Variants in RAB2A observed in about 807,000 individuals in gnomAD.
The protein encoded by RAB2A is RAB2A, member RAS oncogene family, also known as ras-related protein Rab-2A.
RAB2A carries 7 observed loss-of-function variants against 32.5 expected under a neutral mutation model. The ratio of observed to expected loss-of-function variants is 0.22; its 90% CI spans 0.12 to 0.40. RAB2A has a LOEUF of 0.40. Ranked by LOEUF, RAB2A falls within the 10% of genes least tolerant of loss-of-function variation. The probability of loss-of-function intolerance (pLI) is 1.00; values close to 1 mark genes in which losing one functional copy is unlikely to be tolerated. For missense variants in RAB2A, 108 were observed against 260.7 expected (o/e 0.41, Z 4.03); for synonymous variants, 79 against 85.2 (o/e 0.93, Z 0.40).
intron 3 of RAB2A, among the ~76,000 whole-genome samples, chr8:60,583,491 C>T (rs1187942854): frequency 6.6e-6 from 1 of 152,084 alleles, no homozygotes; most frequent in African/African-American, 2.4e-5. Flanking sequence ...ATAAAGATGA[C>T]TTTTACATCC....
intron 6 of RAB2A, among the ~76,000 whole-genome samples, chr8:60,600,652 C>CT (rs1179616949): frequency 6.6e-6 from 1 of 152,136 alleles, no homozygotes; most frequent in Non-Finnish European, 1.5e-5. Context: ...TGGAAACAGG[C>CT]TAGAGACATT....
intron 3 of RAB2A, among the ~76,000 whole-genome samples, chr8:60,576,638 T>G (rs1803638548): frequency 6.6e-6 from 1 of 152,232 alleles, no homozygotes; most frequent in Non-Finnish European, 1.5e-5. Flanking sequence ...ACATGTTACT[T>G]TATACTCTTG....
chr8:60,578,647 TTAGAGATTTTTGAACTA>T (rs1454526188), intron 3 of RAB2A, among the ~76,000 whole-genome samples: 10 of 152,160 alleles, frequency 6.6e-5, no homozygotes, highest in African/African-American at 2.4e-4. Flanking sequence ...TTCAGGATAT[TTAGAGATTTTTGAACTA>T]CAGCTTAATA....
At chr8:60,525,301 C>T (rs962930748) in intron 1 of RAB2A, among the ~76,000 whole-genome samples, 1 of 152,170 alleles carries the variant, frequency 6.6e-6, no homozygotes, top group Non-Finnish European at 1.5e-5. Flanking sequence ...GTTCCTCATT[C>T]ATACTCTGTT....
intron 3 of RAB2A, among the ~76,000 whole-genome samples, chr8:60,580,878 A>G (rs1803737680): frequency 6.6e-6 from 1 of 152,176 alleles, no homozygotes. Context: ...CAATGTGTTC[A>G]TTTTAATTCA....
intron 5 of RAB2A, 50 bp from the exon 6 acceptor site, chr8:60,591,808 T>A: frequency 8.4e-7 from 1 of 1,187,326 alleles, no homozygotes; most frequent in Non-Finnish European, 1.2e-6. Context: ...CAAATGCTTC[T>A]GTTTGTACCA....
At chr8:60,609,744 TC>T in intron 6 of RAB2A, among the ~76,000 whole-genome samples, 1 of 152,148 alleles carries the variant, frequency 6.6e-6, no homozygotes, top group Non-Finnish European at 1.5e-5. Context: ...GGTGGGCAGA[TC>T]ACTTGAGGCC....
At chr8:60,551,135 A>G (rs1006840769) in intron 1 of RAB2A, among the ~76,000 whole-genome samples, 4 of 152,158 alleles carry the variant, frequency 2.6e-5, no homozygotes, top group African/African-American at 7.2e-5. Flanking sequence ...TTCAGGTCCT[A>G]CATCCTTGCC....
intron 1 of RAB2A, among the ~76,000 whole-genome samples, chr8:60,524,078 A>G (rs1807342602): frequency 6.6e-6 from 1 of 152,104 alleles, no homozygotes; most frequent in Admixed American, 6.5e-5. Flanking sequence ...GAGACTTTAT[A>G]GTGAATCATA....
intron 4 of RAB2A, 75 bp downstream of exon 4, chr8:60,584,365 G>A (rs1360664254): frequency 1.6e-6 from 2 of 1,271,594 alleles, no homozygotes; most frequent in African/African-American, 1.5e-5. Context: ...TAACAGTAAT[G>A]AAAGAATAGC....
chr8:60,589,884 C>T (rs1269437656), intron 5 of RAB2A, among the ~76,000 whole-genome samples: 1 of 151,998 alleles, frequency 6.6e-6, no homozygotes, highest in Non-Finnish European at 1.5e-5. Context: ...TAAATTATAC[C>T]TTTATACGTA....
At chr8:60,545,667 A>G (rs1460220116) in intron 1 of RAB2A, among the ~76,000 whole-genome samples, 1 of 152,190 alleles carries the variant, frequency 6.6e-6, no homozygotes, top group Non-Finnish European at 1.5e-5. Context: ...ATGGTGTCCT[A>G]CTGAGGGACA....
At chr8:60,548,773 T>TC (rs1259585366) in intron 1 of RAB2A, among the ~76,000 whole-genome samples, 2 of 101,524 alleles carry the variant, frequency 2.0e-5, no homozygotes, top group African/African-American at 4.1e-5. Flanking sequence ...GGGGGGCTGA[T>TC]CCCCCCACCT....
chr8:60,565,943 G>A (rs1283563159), intron 2 of RAB2A, among the ~76,000 whole-genome samples: 1 of 151,972 alleles, frequency 6.6e-6, no homozygotes, highest in Non-Finnish European at 1.5e-5. Context: ...TCGATCTCCT[G>A]ACCTCGTGAT....
intron 6 of RAB2A, among the ~76,000 whole-genome samples, chr8:60,602,930 C>T (rs4598285): frequency 1.3e-5 from 2 of 152,128 alleles, no homozygotes; most frequent in African/African-American, 2.4e-5. Context: ...AGAAACTGAC[C>T]GTGGGCTCAG....
intron 1 of RAB2A, among the ~76,000 whole-genome samples, chr8:60,535,703 A>G (rs764535800): frequency 6.6e-6 from 1 of 152,202 alleles, no homozygotes; most frequent in African/African-American, 2.4e-5. Context: ...GAAAATGGGC[A>G]AAATGAAGGA....
chr8:60,598,215 T>G (rs1804064385), intron 6 of RAB2A, among the ~76,000 whole-genome samples: 1 of 152,034 alleles, frequency 6.6e-6, no homozygotes, highest in African/African-American at 2.4e-5. Flanking sequence ...AGAAAAAAAT[T>G]GAATAGCCCT....
intron 5 of RAB2A, among the ~76,000 whole-genome samples, chr8:60,591,157 AAC>A (rs2130853452): frequency 6.6e-6 from 1 of 152,050 alleles, no homozygotes; most frequent in African/African-American, 2.4e-5. Context: ...TTAAAAATAA[AAC>A]ACGCTTTAAA....
intron 1 of RAB2A, among the ~76,000 whole-genome samples, chr8:60,527,284 T>C (rs1007943225): frequency 1.3e-5 from 2 of 152,108 alleles, no homozygotes; most frequent in African/African-American, 4.8e-5. Context: ...CCCCCAACAT[T>C]GGAAATTACA....
Sources: allele counts gnomAD v4.1 joint callset (sites outside exome capture counted in the v4.1 genomes callset), GRCh38; gene constraint gnomAD v4.1.1; transcripts MANE v1.5; gene names NCBI Gene and HGNC (gene_info 2026-07-23, HGNC 2026-07-21).